The following PDE10A variants were observed in gnomAD, a reference collection of about 807,000 sequenced individuals.
The protein encoded by PDE10A is phosphodiesterase 10A.
A neutral mutation model predicts 97.7 loss-of-function variants in PDE10A; 39 were observed. The observed-to-expected ratio is 0.40, with a 90% CI of 0.31 to 0.52. The LOEUF is 0.52. Among genes scored for constraint, PDE10A ranks in the 20% least tolerant of loss-of-function variants. PDE10A has a pLI of 0.56. For missense variants in PDE10A, 731 were observed against 1,047.8 expected (o/e 0.70, Z 4.17); for synonymous variants, 371 against 376.8 (o/e 0.98, Z 0.18).
intron 1 of PDE10A, among the ~76,000 whole-genome samples, chr6:165,556,234 T>C (rs1024444840): frequency 6.6e-6 from 1 of 152,090 alleles, no homozygotes; most frequent in African/African-American, 2.4e-5. Context: ...GTCAACTGCA[T>C]AAAACAACAC....
intron 2 of PDE10A, among the ~76,000 whole-genome samples, chr6:165,494,515 T>C (rs1469038106): frequency 7.5e-6 from 1 of 133,322 alleles, no homozygotes; most frequent in Non-Finnish European, 1.6e-5. Context: ...CCATGGTGTG[T>C]GCATATATAT....
At chr6:165,589,300 A>T (rs1470225667) in intron 1 of PDE10A, among the ~76,000 whole-genome samples, 1 of 152,218 alleles carries the variant, frequency 6.6e-6, no homozygotes, top group Non-Finnish European at 1.5e-5. Context: ...TGTGTTCACC[A>T]CAGCACTCAG....
At chr6:165,804,760 G>A (rs978186315) in intron 1 of PDE10A, among the ~76,000 whole-genome samples, 4 of 152,022 alleles carry the variant, frequency 2.6e-5, no homozygotes, top group Non-Finnish European at 5.9e-5. Flanking sequence ...GCGGGGTCGG[G>A]GAGCGGCGGC....
intron 1 of PDE10A, among the ~76,000 whole-genome samples, chr6:165,729,667 C>A (rs1400257318): frequency 6.6e-6 from 1 of 152,092 alleles, no homozygotes; most frequent in African/African-American, 2.4e-5. Flanking sequence ...TGGGGAGGCC[C>A]ACAATACTAA....
intron 11 of PDE10A, among the ~76,000 whole-genome samples, chr6:165,417,416 A>C (rs888633817): frequency 6.6e-6 from 1 of 152,196 alleles, no homozygotes; most frequent in African/African-American, 2.4e-5. Flanking sequence ...ATAATTAAGA[A>C]GCCGCCCTTA....
chr6:165,358,109 T>A (rs952157477), intron 18 of PDE10A, among the ~76,000 whole-genome samples: 2 of 152,178 alleles, frequency 1.3e-5, no homozygotes, highest in African/African-American at 4.8e-5. Flanking sequence ...ACTTTCCAAA[T>A]GGTTGGGGTT....
In PDE10A at chr6:165,327,530, A is replaced by G. The variant is rs1562347590; in HGVS notation, c.*5495T>C. ...AATTTATTTACAACTTGCCTAGATT[A>G]TAATAAATGATTACTGTTCTATTAT... On this transcript the variant is annotated 3_prime_UTR_variant, in exon 22 of 22. Coordinates refer to ENST00000539869, the MANE Select transcript of PDE10A (RefSeq NM_001385079.1). The G allele has an allele frequency of 6.6e-6, 1 of 152,210 alleles. No homozygotes were observed. The highest frequency in any genetic ancestry group is 1.5e-5 in the Non-Finnish European group (1 of 68,032). 9.4% of individuals were successfully genotyped at this position (152,210 alleles called of 1,614,324 possible).
chr6:165,615,842 G>T (rs894807140), intron 1 of PDE10A, among the ~76,000 whole-genome samples: 3 of 152,098 alleles, frequency 2.0e-5, no homozygotes, highest in Non-Finnish European at 2.9e-5. Context: ...TTCATTTTCT[G>T]GTTCCTATGA....
intron 1 of PDE10A, among the ~76,000 whole-genome samples, chr6:165,853,023 A>T (rs1386648057): frequency 6.6e-6 from 1 of 152,236 alleles, no homozygotes; most frequent in Non-Finnish European, 1.5e-5. Flanking sequence ...TTGTGTTTGC[A>T]TGTGTGAAAC....
intron 1 of PDE10A, among the ~76,000 whole-genome samples, chr6:165,732,087 C>G (rs567976854): frequency 6.6e-6 from 1 of 152,324 alleles, no homozygotes; most frequent in South Asian, 2.1e-4. Flanking sequence ...ACTGTTTTCT[C>G]TTTTGCCATG....
intron 1 of PDE10A, among the ~76,000 whole-genome samples, chr6:165,840,008 AT>A (rs1562762866): frequency 0.018 from 46 of 2,606 alleles, no homozygotes; most frequent in African/African-American, 0.024. Context: ...TCCCATCTCC[AT>A]CCTCATCTGC....
chr6:165,670,047 G>T (rs1342956523), intron 1 of PDE10A, among the ~76,000 whole-genome samples: 1 of 152,236 alleles, frequency 6.6e-6, no homozygotes, highest in African/African-American at 2.4e-5. Context: ...CTGGAAGGTT[G>T]CATTTGCAAG....
At position 165,661,743 on chromosome 6, in the gene PDE10A, G is replaced by A. The variant is rs960485999; in HGVS notation, c.865+204C>T. Reference sequence around the variant, plus strand: ...GCGCTCGCGGAGCCTGGGAAACCCCGGCGTCCCTGCGCGGCCGAACGCTCC... The same window carrying A: ...GCGCTCGCGGAGCCTGGGAAACCCCAGCGTCCCTGCGCGGCCGAACGCTCC... On this transcript the variant is annotated intron_variant, in intron 1 of 21. Transcript: ENST00000539869. The surrounding 1 kb of genome is among the most constrained non-coding windows in gnomAD (Gnocchi z 4.8). Among the ~76,000 whole-genome samples the A allele has an allele frequency of 1.3e-5, 2 of 152,048 alleles. No individual in the cohort carries two copies. Among genetic ancestry groups the A allele is most frequent in the Non-Finnish European group, 2.9e-5 (2 of 67,984 alleles).
intron 1 of PDE10A, among the ~76,000 whole-genome samples, chr6:165,690,415 T>A (rs1791239780): frequency 6.6e-6 from 1 of 152,190 alleles, no homozygotes; most frequent in Non-Finnish European, 1.5e-5. Flanking sequence ...TCTATTACTC[T>A]CCCTGCCTAA....
At chr6:165,598,552 G>A (rs1786740087) in intron 1 of PDE10A, among the ~76,000 whole-genome samples, 1 of 152,102 alleles carries the variant, frequency 6.6e-6, no homozygotes, top group Non-Finnish European at 1.5e-5. Flanking sequence ...TTGGGCAATG[G>A]ACTTATCCTA....
At chr6:165,735,369 G>A (rs1049332109) in intron 1 of PDE10A, among the ~76,000 whole-genome samples, 1 of 87,242 alleles carries the variant, frequency 1.1e-5, no homozygotes, top group African/African-American at 2.8e-5. Flanking sequence ...TAGGTGGGTG[G>A]GTAGGTAGGT....
intron 1 of PDE10A, among the ~76,000 whole-genome samples, chr6:165,815,491 G>A (rs1779384363): frequency 6.6e-6 from 1 of 152,172 alleles, no homozygotes; most frequent in Non-Finnish European, 1.5e-5. Context: ...GGTGGAAGGA[G>A]AGACATTATG....
intron 1 of PDE10A, among the ~76,000 whole-genome samples, chr6:165,630,009 A>G (rs929696537): frequency 2.0e-5 from 3 of 152,140 alleles, no homozygotes; most frequent in Non-Finnish European, 4.4e-5. Context: ...TGTGGTTTCA[A>G]TTAAACACCA....
chr6:165,830,173 A>T (rs2128470884), intron 1 of PDE10A, among the ~76,000 whole-genome samples: 1 of 152,328 alleles, frequency 6.6e-6, no homozygotes. Flanking sequence ...GACAAGCTAC[A>T]ATGAAAATAG....
Sources: gnomAD v4.1 joint callset for allele counts (sites outside exome capture counted in the v4.1 genomes callset) on GRCh38, gnomAD v4.1.1 for gene constraint, Gnocchi (gnomAD v3.1) non-coding constraint, MANE v1.5 for transcripts, NCBI Gene and HGNC (gene_info 2026-07-23, HGNC 2026-07-21) for gene names.